Variants in IGF2BP3 observed in about 807,000 individuals in gnomAD.
IGF2BP3 encodes insulin like growth factor 2 mRNA binding protein 3.
A neutral mutation model predicts 73.8 loss-of-function variants in IGF2BP3; 9 were observed. That is an observed-to-expected ratio of 0.12 (90% CI 0.07 to 0.21). IGF2BP3 has a LOEUF of 0.21. Ranked by LOEUF, IGF2BP3 falls within the 10% of genes least tolerant of loss-of-function variation. The pLI is 1.00. For synonymous variants in IGF2BP3, 258 were observed against 256.7 expected (o/e 1.01, Z -0.05); for missense variants, 542 against 714.0 (o/e 0.76, Z 2.75).
At chr7:23,441,705 G>A (rs750326279) in intron 2 of IGF2BP3, among the ~76,000 whole-genome samples, 1 of 148,760 alleles carries the variant, frequency 6.7e-6, no homozygotes, top group African/African-American at 2.5e-5. Context: ...TACCTACTCA[G>A]AGAGTGTGAA....
intron 5 of IGF2BP3, chr7:23,361,222 G>C (rs906318458): frequency 1.3e-5 from 3 of 235,336 alleles, no homozygotes; most frequent in Non-Finnish European, 1.7e-5. Context: ...GGGAGACGGG[G>C]AGAGACTTTA....
chr7:23,428,658 A>C (rs1787587248), intron 2 of IGF2BP3, among the ~76,000 whole-genome samples: 1 of 150,852 alleles, frequency 6.6e-6, no homozygotes, highest in Non-Finnish European at 1.5e-5. Context: ...ACAGTAAGCT[A>C]TGACTATGCT....
intron 2 of IGF2BP3, among the ~76,000 whole-genome samples, chr7:23,427,766 A>C (rs1787553750): frequency 2.6e-5 from 4 of 151,974 alleles, no homozygotes; most frequent in Admixed American, 2.6e-4. Flanking sequence ...CCAGCACTTC[A>C]GGAGGCTGAG....
At chr7:23,430,381 T>C (rs1005424692) in intron 2 of IGF2BP3, among the ~76,000 whole-genome samples, 2 of 152,186 alleles carry the variant, frequency 1.3e-5, no homozygotes, top group Non-Finnish European at 2.9e-5. Flanking sequence ...CCTTATTTCT[T>C]ATGCAAAAAA....
intron 8 of IGF2BP3, among the ~76,000 whole-genome samples, chr7:23,344,873 T>C (rs1487543631): frequency 6.6e-6 from 1 of 152,260 alleles, no homozygotes; most frequent in East Asian, 1.9e-4. Context: ...ATAATTCTAA[T>C]TCAGTCTCAA....
At chr7:23,427,087 G>A (rs1281896194) in intron 2 of IGF2BP3, among the ~76,000 whole-genome samples, 4 of 152,088 alleles carry the variant, frequency 2.6e-5, no homozygotes, top group Non-Finnish European at 5.9e-5. Flanking sequence ...CAGTTGTCTC[G>A]CTTCTTTCCA....
chr7:23,426,383 A>C (rs971587531), intron 2 of IGF2BP3, among the ~76,000 whole-genome samples: 1 of 151,844 alleles, frequency 6.6e-6, no homozygotes, highest in African/African-American at 2.4e-5. Context: ...GGGGGGAAAA[A>C]ATTTAATGAG....
At chr7:23,352,219 C>CA (rs150325923) in intron 5 of IGF2BP3, among the ~76,000 whole-genome samples, 43 of 148,230 alleles carry the variant, frequency 2.9e-4, no homozygotes, top group Admixed American at 2.2e-3. Flanking sequence ...GGTGATAAAC[C>CA]AAAAAAAAGA....
intron 3 of IGF2BP3, among the ~76,000 whole-genome samples, chr7:23,412,735 G>C (rs1787063511): frequency 6.6e-6 from 1 of 151,680 alleles, no homozygotes; most frequent in East Asian, 1.9e-4. Flanking sequence ...CCCAGCTTTG[G>C]GCATTTTTTG....
At chr7:23,410,963 C>T (rs1032728701) in intron 3 of IGF2BP3, among the ~76,000 whole-genome samples, 4 of 152,146 alleles carry the variant, frequency 2.6e-5, no homozygotes, top group Admixed American at 2.0e-4. Flanking sequence ...AAGATTAAAA[C>T]GTGTTAATTC....
intron 3 of IGF2BP3, among the ~76,000 whole-genome samples, chr7:23,395,108 G>A (rs1475190469): frequency 6.6e-6 from 1 of 152,166 alleles, no homozygotes; most frequent in Admixed American, 6.5e-5. Flanking sequence ...ATAAGGAGCA[G>A]CCCTCACTGA....
At chr7:23,439,809 A>AG (rs1238739196) in intron 2 of IGF2BP3, among the ~76,000 whole-genome samples, 2 of 152,296 alleles carry the variant, frequency 1.3e-5, no homozygotes, top group Non-Finnish European at 2.9e-5. Flanking sequence ...GGGAGCACCA[A>AG]GCACCAAAGA....
intron 2 of IGF2BP3, among the ~76,000 whole-genome samples, chr7:23,430,052 C>T (rs1328807018): frequency 1.3e-5 from 2 of 151,918 alleles, no homozygotes; most frequent in Admixed American, 6.6e-5. Flanking sequence ...AAGGAGAAAA[C>T]CAAGTCTAAC....
At chr7:23,391,551 T>G (rs1276155528) in intron 3 of IGF2BP3, among the ~76,000 whole-genome samples, 3 of 152,128 alleles carry the variant, frequency 2.0e-5, no homozygotes, top group Non-Finnish European at 4.4e-5. Flanking sequence ...TGGAAGCCAG[T>G]GCTGATTAAT....
chr7:23,343,933 T>G, intron 8 of IGF2BP3, 80 bp from the exon 9 acceptor site: 1 of 1,435,050 alleles, frequency 7.0e-7, no homozygotes, highest in Non-Finnish European at 9.5e-7. Context: ...AGACGGCAAT[T>G]AAAAACAAAC....
chr7:23,417,268 A>C (rs965317360), intron 3 of IGF2BP3, among the ~76,000 whole-genome samples: 3 of 152,224 alleles, frequency 2.0e-5, no homozygotes, highest in African/African-American at 7.2e-5. Flanking sequence ...TCCAAAGTCT[A>C]GTTCCAAGCA....
chr7:23,338,763 A>G (rs1404667313), intron 10 of IGF2BP3, among the ~76,000 whole-genome samples: 2 of 152,224 alleles, frequency 1.3e-5, no homozygotes, highest in African/African-American at 4.8e-5. Flanking sequence ...AGTATGGGAA[A>G]AACATTTTTT....
intron 3 of IGF2BP3, among the ~76,000 whole-genome samples, chr7:23,403,483 G>A (rs1786732256): frequency 6.6e-6 from 1 of 152,010 alleles, no homozygotes; most frequent in African/African-American, 2.4e-5. Context: ...TTCACTTCAG[G>A]ATTGTAATTG....
At chr7:23,415,862 T>C (rs2128534073) in intron 3 of IGF2BP3, among the ~76,000 whole-genome samples, 1 of 152,360 alleles carries the variant, frequency 6.6e-6, no homozygotes, top group East Asian at 1.9e-4. Context: ...TGTGTGATTC[T>C]CCCTGGTGAA....
Sources: allele counts gnomAD v4.1 joint callset (sites outside exome capture counted in the v4.1 genomes callset), GRCh38; gene constraint gnomAD v4.1.1; transcripts MANE v1.5; gene names NCBI Gene and HGNC (gene_info 2026-07-23, HGNC 2026-07-21).